Variants in MYO3B observed in about 807,000 individuals in gnomAD.
MYO3B encodes myosin IIIB.
In MYO3B, 156 loss-of-function variants were observed where a neutral mutation model predicts 174.6. The ratio of observed to expected loss-of-function variants is 0.89; its 90% confidence interval spans 0.78 to 1.02. MYO3B has a LOEUF of 1.02. MYO3B is among the 50% of genes least tolerant of loss of function. The probability of loss-of-function intolerance (pLI) is 0.00; values close to 1 mark genes in which losing one functional copy is unlikely to be tolerated. For synonymous variants in MYO3B, 563 were observed against 569.1 expected (o/e 0.99, Z 0.15); for missense variants, 1,632 against 1,639.4 (o/e 1.00, Z 0.08).
chr2:170,465,312 A>C (rs1684554423), intron 24 of MYO3B, among the ~76,000 whole-genome samples: 1 of 152,146 alleles, frequency 6.6e-6, no homozygotes. Context: ...TTACATGGCA[A>C]GAGAGGGAGG....
intron 1 of MYO3B, among the ~76,000 whole-genome samples, chr2:170,197,635 T>C (rs2092615089): frequency 6.6e-6 from 1 of 152,200 alleles, no homozygotes; most frequent in Admixed American, 6.5e-5. Context: ...AAGGAGATAC[T>C]TGACTTCACT....
chr2:170,460,909 T>G (rs1684244461), intron 23 of MYO3B, among the ~76,000 whole-genome samples: 1 of 152,198 alleles, frequency 6.6e-6, no homozygotes, highest in Non-Finnish European at 1.5e-5. Context: ...AGAGTATTCC[T>G]TTTAAATTGT....
chr2:170,425,458 A>C (rs1450660397), intron 22 of MYO3B, among the ~76,000 whole-genome samples: 1 of 152,206 alleles, frequency 6.6e-6, no homozygotes, highest in African/African-American at 2.4e-5. Flanking sequence ...TGGAGGTTGT[A>C]AGGGAAGACT....
At chr2:170,599,445 A>G (rs544465004) in intron 32 of MYO3B, among the ~76,000 whole-genome samples, 6 of 152,192 alleles carry the variant, frequency 3.9e-5, no homozygotes, top group African/African-American at 1.4e-4. Context: ...TTTTCTTTCT[A>G]TTTATCATTT....
At chr2:170,262,338 T>C (rs2093351781) in intron 7 of MYO3B, among the ~76,000 whole-genome samples, 1 of 152,186 alleles carries the variant, frequency 6.6e-6, no homozygotes, top group African/African-American at 2.4e-5. Flanking sequence ...AACAGAATGC[T>C]GAGCATCTTG....
At position 170,199,285 on chromosome 2, in the gene MYO3B, G is replaced by T. The variant is rs1417800430; in HGVS notation, c.80G>T (p.Trp27Leu). The T allele has an allele frequency of 5.0e-6, 8 of 1,613,400 alleles. No homozygotes were observed. Among genetic ancestry groups the T allele is most frequent in the Non-Finnish European group, 6.8e-6 (8 of 1,179,664 alleles). Residue 27 changes from tryptophan to leucine, a missense_variant, in exon 2 of 35, where the codon TGG (tryptophan) becomes TTG (leucine). Coordinates refer to ENST00000408978, the MANE Select transcript of MYO3B (RefSeq NM_138995.5). ...TCACTTCCAGATCCCACAGACACCT[G>T]GGAAATTATAGAGACCATTGGTAAA... is the stretch of plus-strand genomic sequence containing the variant. ...LESLPDPTDT[W>L]EIIETIGKGT...
chr2:170,537,448 A>ATTTTTTTTTTTTTTTTT lies in MYO3B; in HGVS notation c.3576-5441_3576-5425dup, dbSNP rs559086883. Among the ~76,000 whole-genome samples, 19 of 54,814 alleles carry ATTTTTTTTTTTTTTTTT rather than the reference A, an allele frequency of 3.5e-4. 5 individuals are homozygous for ATTTTTTTTTTTTTTTTT. The East Asian group carries it at 0.01, about 29-fold the overall frequency. 36.0% of individuals were successfully genotyped at this position (54,814 alleles called of 152,430 possible). A position where few individuals can be genotyped will look rare whatever the true frequency, so the allele number is the denominator to read the frequency against. ...ACCTTCTCTTATTAAGAGCTCTTTG[A>ATTTTTTTTTTTTTTTTT]TTTTTTTTTTTTTTTTTTTTTTTTT... On this transcript the variant is annotated intron_variant, in intron 30 of 34. Coordinates refer to ENST00000408978, the MANE Select transcript of MYO3B (RefSeq NM_138995.5).
At chr2:170,263,498 G>T (rs2093360501) in intron 7 of MYO3B, among the ~76,000 whole-genome samples, 1 of 152,132 alleles carries the variant, frequency 6.6e-6, no homozygotes. Context: ...AGGGGGATGT[G>T]GCAGGACAAT....
At chr2:170,205,670 C>A (rs1036517522) in intron 3 of MYO3B, among the ~76,000 whole-genome samples, 6 of 152,126 alleles carry the variant, frequency 3.9e-5, no homozygotes, top group Non-Finnish European at 8.8e-5. Flanking sequence ...TCCCAAATCT[C>A]TCCCTCCCTT....
rs1188676989 is a variant in MYO3B at position 170,654,357 on chromosome 2, G to C, written c.*1236G>C. The C allele has an allele frequency of 6.6e-6, 1 of 152,050 alleles. No individual in the cohort carries two copies. Among genetic ancestry groups the C allele is most frequent in the Non-Finnish European group, 1.5e-5 (1 of 68,010 alleles). The allele number at this position is 152,050 out of a possible 1,614,324, so 9.4% of individuals were successfully genotyped here. The stretch of plus-strand genomic sequence containing the variant: ...ATGTGGTAGATAGTATGCAAGAAAA[G>C]CCGGGTGCGGTGGCTCAGGCCTGTA... On this transcript the variant is annotated 3_prime_UTR_variant, in exon 35 of 35. Coordinates refer to ENST00000408978, the MANE Select transcript of MYO3B (RefSeq NM_138995.5).
At chr2:170,211,202 T>A (rs572134146) in intron 3 of MYO3B, among the ~76,000 whole-genome samples, 1 of 152,316 alleles carries the variant, frequency 6.6e-6, no homozygotes, top group African/African-American at 2.4e-5. Context: ...GGGCCTGCCA[T>A]GCATGCACTG....
At chr2:170,547,820 A>T (rs1690629899) in intron 32 of MYO3B, among the ~76,000 whole-genome samples, 1 of 152,172 alleles carries the variant, frequency 6.6e-6, no homozygotes, top group Admixed American at 6.5e-5. Context: ...TAAGTCAATT[A>T]TGTGGGATGT....
chr2:170,548,794 A>C (rs1281505746), intron 32 of MYO3B, among the ~76,000 whole-genome samples: 2 of 152,230 alleles, frequency 1.3e-5, no homozygotes, highest in Admixed American at 1.3e-4. Flanking sequence ...CCAATATGAA[A>C]TGGGGCCACC....
intron 7 of MYO3B, among the ~76,000 whole-genome samples, chr2:170,319,030 AC>A (rs1220800721): frequency 6.6e-6 from 1 of 152,248 alleles, no homozygotes; most frequent in Non-Finnish European, 1.5e-5. Context: ...GGTTTAGGGT[AC>A]AAAACTAATT....
chr2:170,363,809 C>T (rs544349032), intron 8 of MYO3B, among the ~76,000 whole-genome samples: 2 of 152,180 alleles, frequency 1.3e-5, no homozygotes, highest in Admixed American at 1.3e-4. Flanking sequence ...GAGTCTCTTG[C>T]ATATATCTCA....
rs187841143 is a variant in MYO3B at position 170,220,024 on chromosome 2, C to T, written c.603+2629C>T. On this transcript the variant is annotated intron_variant, in intron 6 of 34. Coordinates refer to ENST00000408978, the MANE Select transcript of MYO3B (RefSeq NM_138995.5). The stretch of plus-strand genomic sequence containing the variant: ...CTGTAATCCCAGCACTTTGGGAGGC[C>T]AAGGTGGGCAGATCACGAGGTCAGG... Among the ~76,000 whole-genome samples, 1,346 of 151,054 alleles carry T rather than the reference C, an allele frequency of 8.9e-3. 8 individuals carry two copies. Among genetic ancestry groups the T allele is most frequent in the Middle Eastern group, 0.021 (6 of 280 alleles).
intron 8 of MYO3B, among the ~76,000 whole-genome samples, chr2:170,341,647 C>G (rs755480498): frequency 1.6e-4 from 25 of 152,086 alleles, no homozygotes; most frequent in Non-Finnish European, 2.2e-4. Flanking sequence ...AAAATTAACA[C>G]AAAAAATAAG....
intron 7 of MYO3B, among the ~76,000 whole-genome samples, chr2:170,303,709 G>A (rs779584254): frequency 2.6e-5 from 4 of 151,886 alleles, no homozygotes; most frequent in Admixed American, 1.3e-4. Flanking sequence ...TCCATTACAT[G>A]GAGCTACTGA....
chr2:170,263,085 G>A (rs977835356), intron 7 of MYO3B, among the ~76,000 whole-genome samples: 2 of 152,196 alleles, frequency 1.3e-5, no homozygotes, highest in Non-Finnish European at 2.9e-5. Flanking sequence ...CTTAGAACCA[G>A]ACTTTGGTTA....
Sources: allele counts gnomAD v4.1 joint callset (sites outside exome capture counted in the v4.1 genomes callset), GRCh38; gene constraint gnomAD v4.1.1; transcripts MANE v1.5; gene names NCBI Gene and HGNC (gene_info 2026-07-23, HGNC 2026-07-21).